The following RASAL2 variants were observed in gnomAD, a reference collection of about 807,000 sequenced individuals.
RASAL2 encodes RAS protein activator like 2, also known as ras GTPase-activating protein nGAP.
A neutral mutation model predicts 128.9 loss-of-function variants in RASAL2; 58 were observed. That is an observed-to-expected ratio of 0.45 (90% CI 0.36 to 0.56). RASAL2 has a LOEUF of 0.56. Ranked by LOEUF, RASAL2 falls within the 20% of genes least tolerant of loss-of-function variation. RASAL2 has a pLI of 0.00. For missense variants in RASAL2, 1,360 were observed against 1,601.6 expected (o/e 0.85, Z 2.57); for synonymous variants, 561 against 580.8 (o/e 0.97, Z 0.49).
intron 3 of RASAL2, among the ~76,000 whole-genome samples, chr1:178,342,376 A>G (rs1156306881): frequency 6.6e-6 from 1 of 152,204 alleles, no homozygotes; most frequent in African/African-American, 2.4e-5. Flanking sequence ...AGAACCAATT[A>G]TATATAGGCT....
chr1:178,438,881 CTGTGTGTGTGTGTGTG>C lies in RASAL2; in HGVS notation c.675-505_675-490del, dbSNP rs3042589. Among the ~76,000 whole-genome samples, 45 of 129,466 alleles carry C rather than the reference CTGTGTGTGTGTGTGTG, an allele frequency of 3.5e-4. No individual in the cohort carries two copies. In the East Asian group the frequency reaches 4.5e-3, roughly 13 times the overall value. The allele number at this position is 129,466 out of a possible 152,430, so 84.9% of individuals were successfully genotyped here. A position where few individuals can be genotyped will look rare whatever the true frequency, so the allele number is the denominator to read the frequency against. ...TGTGATAAAAAGTTGAGCTTCGACT[CTGTGTGTGTGTGTGTG>C]TGTGTGTGTGTGTGTGTGTGTGTGT... is the stretch of plus-strand genomic sequence containing the variant. On this transcript the variant is annotated intron_variant, in intron 5 of 17. Coordinates refer to ENST00000367649, the MANE Select transcript of RASAL2 (RefSeq NM_170692.4).
intron 3 of RASAL2, among the ~76,000 whole-genome samples, chr1:178,325,936 A>G (rs772300623): frequency 6.6e-6 from 1 of 152,116 alleles, no homozygotes; most frequent in Non-Finnish European, 1.5e-5. Flanking sequence ...ACAAAAAATA[A>G]AAAAACTAGC....
At chr1:178,357,843 A>G (rs185238755) in intron 3 of RASAL2, among the ~76,000 whole-genome samples, 3 of 152,172 alleles carry the variant, frequency 2.0e-5, no homozygotes, top group Admixed American at 6.5e-5. Context: ...TGACTACTGT[A>G]TAATTTTTAC....
chr1:178,168,054 T>C (rs1661577364), intron 1 of RASAL2, among the ~76,000 whole-genome samples: 1 of 152,118 alleles, frequency 6.6e-6, no homozygotes. Context: ...TGCTGAGGGT[T>C]AGCTTGATTC....
intron 1 of RASAL2, among the ~76,000 whole-genome samples, chr1:178,273,091 G>T (rs1666334793): frequency 6.6e-6 from 1 of 152,166 alleles, no homozygotes; most frequent in Non-Finnish European, 1.5e-5. Flanking sequence ...TAGACTTATT[G>T]TCCTGTATCA....
intron 1 of RASAL2, among the ~76,000 whole-genome samples, chr1:178,212,683 G>A (rs1663293985): frequency 6.6e-6 from 1 of 152,028 alleles, no homozygotes; most frequent in South Asian, 2.1e-4. Context: ...GTAGAGATGG[G>A]GTCTCACCGT....
intron 4 of RASAL2, among the ~76,000 whole-genome samples, chr1:178,412,825 C>A (rs1674484876): frequency 6.6e-6 from 1 of 152,072 alleles, no homozygotes; most frequent in Admixed American, 6.6e-5. Flanking sequence ...GGGGAGGCCA[C>A]AATTTTTAAA....
intron 1 of RASAL2, among the ~76,000 whole-genome samples, chr1:178,174,237 T>C (rs936550797): frequency 1.3e-5 from 2 of 152,104 alleles, no homozygotes; most frequent in Non-Finnish European, 2.9e-5. Context: ...TTAGGTCTTA[T>C]AGCTCTTTTC....
chr1:178,179,743 T>C (rs1441204972), intron 1 of RASAL2, among the ~76,000 whole-genome samples: 1 of 152,220 alleles, frequency 6.6e-6, no homozygotes, highest in African/African-American at 2.4e-5. Flanking sequence ...AGGGGAATTG[T>C]GTTTTGACAA....
At chr1:178,100,270 C>G (rs917503951) in intron 1 of RASAL2, among the ~76,000 whole-genome samples, 1 of 151,710 alleles carries the variant, frequency 6.6e-6, no homozygotes. Flanking sequence ...AATTCCAGCA[C>G]TTTAGGAGGC....
At chr1:178,470,841 T>G (rs906060822) in intron 17 of RASAL2, 3 of 804,288 alleles carry the variant, frequency 3.7e-6, no homozygotes, top group Admixed American at 4.8e-5. Context: ...TCCTGTCAGG[T>G]GTGGACTAGA....
At chr1:178,452,983 G>A (rs1483463816) in intron 11 of RASAL2, among the ~76,000 whole-genome samples, 1 of 152,054 alleles carries the variant, frequency 6.6e-6, no homozygotes, top group South Asian at 2.1e-4. Context: ...AAAGTGGTAT[G>A]TATACTGTTA....
chr1:178,268,252 G>T (rs546161467), intron 1 of RASAL2, among the ~76,000 whole-genome samples: 2 of 152,128 alleles, frequency 1.3e-5, no homozygotes, highest in East Asian at 3.9e-4. Context: ...GGTGGATCAC[G>T]AAGTCAAGAG....
At chr1:178,259,983 A>G (rs1484273267) in intron 1 of RASAL2, among the ~76,000 whole-genome samples, 2 of 152,158 alleles carry the variant, frequency 1.3e-5, no homozygotes, top group African/African-American at 4.8e-5. Context: ...CTTTTATTTT[A>G]GACCTAATGA....
intron 14 of RASAL2, among the ~76,000 whole-genome samples, chr1:178,459,294 A>C (rs1347696694): frequency 2.0e-5 from 3 of 152,056 alleles, no homozygotes; most frequent in African/African-American, 7.2e-5. Context: ...GCATCAATAC[A>C]TATTTTTCCC....
At position 178,458,225 on chromosome 1, in the gene RASAL2, G is replaced by A. The variant is rs779322738; in HGVS notation, c.2933G>A (p.Arg978His). ...SNSSMEDFTK[R>H]STQSEDFSRR... ...AGCAGCATGGAAGATTTCACTAAAC[G>A]TAGCACTCAGAGTGAGGACTTCTCC... The change falls in exon 14 of 18, where the codon CGT (arginine) becomes CAT (histidine). Residue 978 changes from arginine to histidine, a missense_variant. By Grantham distance (29) the Arg-to-His change is conservative (BLOSUM62 0). Coordinates refer to ENST00000367649, the MANE Select transcript of RASAL2 (RefSeq NM_170692.4). 1.7e-5 allele frequency: 27 copies of A among 1,614,078 alleles called. No homozygotes were observed. Among genetic ancestry groups the A allele is most frequent in the East Asian group, 2.2e-5 (1 of 44,900 alleles).
chr1:178,286,065 T>C (rs1667010922), intron 2 of RASAL2, among the ~76,000 whole-genome samples: 1 of 152,182 alleles, frequency 6.6e-6, no homozygotes, highest in African/African-American at 2.4e-5. Context: ...CACCACGCTG[T>C]ATGTACTCTC....
intron 1 of RASAL2, among the ~76,000 whole-genome samples, chr1:178,274,650 A>G (rs1051692301): frequency 2.0e-5 from 3 of 152,100 alleles, no homozygotes; most frequent in African/African-American, 7.2e-5. Context: ...ACAGTAACAC[A>G]AATCACAGCT....
At chr1:178,169,049 G>C (rs1402844504) in intron 1 of RASAL2, among the ~76,000 whole-genome samples, 2 of 152,040 alleles carry the variant, frequency 1.3e-5, no homozygotes, top group Admixed American at 6.6e-5. Flanking sequence ...TTTATTGTGT[G>C]AGAGCAATAG....
Sources: allele counts gnomAD v4.1 joint callset (sites outside exome capture counted in the v4.1 genomes callset), GRCh38; gene constraint gnomAD v4.1.1; transcripts MANE v1.5; gene names NCBI Gene and HGNC (gene_info 2026-07-23, HGNC 2026-07-21).